GRM7: variants seen among roughly 807,000 people sequenced by gnomAD.
GRM7 encodes the protein metabotropic glutamate receptor 7.
Under a neutral mutation model 84.5 loss-of-function variants are expected in GRM7, and 35 were observed. The observed-to-expected ratio is 0.41, with a 90% CI of 0.32 to 0.55. The LOEUF (loss-of-function observed/expected upper bound fraction) is 0.55, where lower values mean the gene tolerates loss of function less well. Among genes scored for constraint, GRM7 ranks in the 20% least tolerant of loss-of-function variants. GRM7 has a pLI of 0.19. For missense variants in GRM7, 1,003 were observed against 1,194.6 expected (o/e 0.84, Z 2.36); for synonymous variants, 487 against 455.1 (o/e 1.07, Z -0.89).
At chr3:7,061,048 T>A (rs1697418954) in intron 1 of GRM7, among the ~76,000 whole-genome samples, 1 of 151,832 alleles carries the variant, frequency 6.6e-6, no homozygotes, top group African/African-American at 2.4e-5. Context: ...TTCACTCTCA[T>A]GTTAGTACAG....
chr3:7,104,622 A>T (rs565686923), intron 1 of GRM7, among the ~76,000 whole-genome samples: 1 of 151,474 alleles, frequency 6.6e-6, no homozygotes, highest in African/African-American at 2.4e-5. Context: ...AACATTTTTG[A>T]TGTTTGTTTT....
intron 2 of GRM7, among the ~76,000 whole-genome samples, chr3:7,181,544 A>G (rs895143490): frequency 5.3e-5 from 8 of 152,192 alleles, no homozygotes; most frequent in Non-Finnish European, 1.2e-4. Flanking sequence ...AAGAAGAAGT[A>G]TCCTTTCCTC....
At chr3:6,872,729 C>T (rs1695168125) in intron 1 of GRM7, among the ~76,000 whole-genome samples, 1 of 152,012 alleles carries the variant, frequency 6.6e-6, no homozygotes, top group Non-Finnish European at 1.5e-5. Context: ...TTTCCTGTTC[C>T]TGTGTTAGTT....
chr3:7,511,031 G>A (rs879438966), intron 7 of GRM7, among the ~76,000 whole-genome samples: 1 of 152,120 alleles, frequency 6.6e-6, no homozygotes, highest in Non-Finnish European at 1.5e-5. Flanking sequence ...ATTCCTTAGG[G>A]AATTAAGAAA....
chr3:7,486,092 G>A lies in GRM7; in HGVS notation c.1515+24370G>A, dbSNP rs1024244106. On this transcript the variant is annotated intron_variant, in intron 7 of 9. Coordinates refer to ENST00000357716, the MANE Select transcript of GRM7 (RefSeq NM_000844.4). This position sits in a 1 kb window ranked among gnomAD's most constrained non-coding sequence, Gnocchi z 5.5. Reference sequence around the variant, plus strand: ...TTTAAAGTTCTTCAAAGAGTCAAAGGATGAGATAAAATATGGATTTTAAAT... The same window carrying A: ...TTTAAAGTTCTTCAAAGAGTCAAAGAATGAGATAAAATATGGATTTTAAAT... Among the ~76,000 whole-genome samples the A allele has an allele frequency of 2.0e-4, 31 of 152,214 alleles. No homozygotes were observed. The highest frequency in any genetic ancestry group is 1.8e-4 in the Non-Finnish European group (12 of 68,014).
chr3:7,558,929 A>G (rs1693888202), intron 7 of GRM7, among the ~76,000 whole-genome samples: 2 of 152,136 alleles, frequency 1.3e-5, no homozygotes, highest in African/African-American at 4.8e-5. Context: ...GAAGCTTGTT[A>G]TTAAAAGCAT....
intron 8 of GRM7, among the ~76,000 whole-genome samples, chr3:7,654,208 G>A (rs145381427): frequency 1.6e-4 from 25 of 152,246 alleles, no homozygotes; most frequent in African/African-American, 2.6e-4. Context: ...AGTAGAGAGG[G>A]TTCATAAATA....
At chr3:7,348,051 AGCCTAGTG>A (rs1161101306) in intron 4 of GRM7, among the ~76,000 whole-genome samples, 1 of 152,170 alleles carries the variant, frequency 6.6e-6, no homozygotes, top group Non-Finnish European at 1.5e-5. Flanking sequence ...TCCCAAGGTC[AGCCTAGTG>A]GTAAAATCTG....
chr3:7,681,666 G>C (rs1264785668), intron 9 of GRM7: 1 of 152,246 alleles, frequency 6.6e-6, no homozygotes, highest in African/African-American at 2.4e-5. Context: ...GTGGCCAATT[G>C]AGAGGAGGGC....
intron 1 of GRM7, among the ~76,000 whole-genome samples, chr3:7,030,546 T>C (rs1297776234): frequency 2.6e-5 from 4 of 152,190 alleles, no homozygotes; most frequent in Non-Finnish European, 4.4e-5. Context: ...AATGCAACAA[T>C]ATCTATATGT....
At chr3:7,282,492 T>C (rs1032806074) in intron 2 of GRM7, among the ~76,000 whole-genome samples, 7 of 152,186 alleles carry the variant, frequency 4.6e-5, no homozygotes, top group African/African-American at 1.4e-4. Context: ...GTAATGACAC[T>C]TGTCATCACT....
At chr3:6,958,860 A>C (rs981445677) in intron 1 of GRM7, among the ~76,000 whole-genome samples, 6 of 152,210 alleles carry the variant, frequency 3.9e-5, no homozygotes, top group South Asian at 2.1e-4. Context: ...TTAGAAGCAG[A>C]AAATCCAGTG....
chr3:7,279,116 T>C (rs1388867475), intron 2 of GRM7, among the ~76,000 whole-genome samples: 1 of 152,178 alleles, frequency 6.6e-6, no homozygotes, highest in East Asian at 1.9e-4. Context: ...ACAGATTTAC[T>C]CACAGTTGAC....
chr3:7,136,760 C>T (rs879302439), intron 1 of GRM7, among the ~76,000 whole-genome samples: 9 of 152,018 alleles, frequency 5.9e-5, no homozygotes, highest in Admixed American at 3.3e-4. Flanking sequence ...AATACTGATC[C>T]GTTCCTATGC....
chr3:7,693,144 T>C (rs771163864), intron 9 of GRM7, among the ~76,000 whole-genome samples: 2 of 152,156 alleles, frequency 1.3e-5, no homozygotes, highest in Non-Finnish European at 2.9e-5. Context: ...TTGAAATCCA[T>C]TGATGATCAT....
In GRM7 at chr3:6,861,452, G is replaced by T; in HGVS notation, c.64G>T (p.Glu22Ter). The T allele has an allele frequency of 6.2e-7, 1 of 1,602,614 alleles. No homozygotes were observed. Among genetic ancestry groups the T allele is most frequent in the Non-Finnish European group, 8.5e-7 (1 of 1,175,852 alleles). Residue 22 changes from glutamate to a stop codon, truncating the protein, a stop_gained, in exon 1 of 10, where the codon GAG becomes TAG. Coordinates refer to ENST00000357716, the MANE Select transcript of GRM7 (RefSeq NM_000844.4). LOFTEE classifies it high-confidence loss of function. The surrounding 1 kb of genome is among the most constrained non-coding windows in gnomAD (Gnocchi z 6.4). ...GATGAAGTTCCCCTGCTGCGTGCTG[G>T]AGGTGCTCCTGTGCGCGCTGGCGGC... The part of the protein sequence containing the change: ...TLMKFPCCVL[E>*]VLLCALAAAA...
chr3:7,480,959 A>G (rs1162813460), intron 7 of GRM7, among the ~76,000 whole-genome samples: 2 of 152,232 alleles, frequency 1.3e-5, no homozygotes, highest in African/African-American at 2.4e-5. Flanking sequence ...ATGGGAGTAT[A>G]TTAGAGTCCA....
chr3:6,952,881 G>A (rs950511730), intron 1 of GRM7, among the ~76,000 whole-genome samples: 3 of 152,246 alleles, frequency 2.0e-5, no homozygotes, highest in Non-Finnish European at 2.9e-5. Flanking sequence ...TGGTTAAAAT[G>A]AAACTTTAGG....
chr3:7,554,865 G>A (rs1262258242), intron 7 of GRM7, among the ~76,000 whole-genome samples: 1 of 152,214 alleles, frequency 6.6e-6, no homozygotes, highest in Non-Finnish European at 1.5e-5. Flanking sequence ...AATACATGAT[G>A]GGCTTGGAAA....
Sources: allele counts gnomAD v4.1 joint callset (sites outside exome capture counted in the v4.1 genomes callset), GRCh38; gene constraint gnomAD v4.1.1; non-coding constraint Gnocchi (gnomAD v3.1); transcripts MANE v1.5; gene names NCBI Gene and HGNC (gene_info 2026-07-23, HGNC 2026-07-21).